The following TEKT5 variants were observed in gnomAD, a reference collection of about 807,000 sequenced individuals.
TEKT5 encodes tektin 5, also known as tektin-5.
Under a neutral mutation model 48.7 loss-of-function variants are expected in TEKT5, and 52 were observed. That is an observed-to-expected ratio of 1.07 (90% CI 0.86 to 1.35). TEKT5 has a LOEUF of 1.35. Ranked by LOEUF, TEKT5 falls within the 40% of genes most tolerant of loss-of-function variation. TEKT5 has a pLI of 0.00. For missense variants in TEKT5, 831 were observed against 641.6 expected (o/e 1.30, Z -3.19); for synonymous variants, 318 against 267.6 (o/e 1.19, Z -1.84).
At position 10,654,924 on chromosome 16, in the gene TEKT5, TCCCCCCCCTCCCCTCCCCCACCCC is replaced by T. The variant is rs1287262400; in HGVS notation, c.1087-19030_1087-19007del. Among the ~76,000 whole-genome samples, 5 of 44,996 alleles carry T rather than the reference TCCCCCCCCTCCCCTCCCCCACCCC, an allele frequency of 1.1e-4. 1 individual carries two copies. The highest frequency in any genetic ancestry group is 3.6e-4 in the African/African-American group (4 of 11,000). The allele number at this position is 44,996 out of a possible 152,430, so 29.5% of individuals were successfully genotyped here. On this transcript the variant is annotated intron_variant, in intron 5 of 6. Coordinates refer to ENST00000283025, the MANE Select transcript of TEKT5 (RefSeq NM_144674.2). The stretch of plus-strand genomic sequence containing the variant: ...CCACCATGCCATGGACTGTCCTGTC[TCCCCCCCCTCCCCTCCCCCACCCC>T]CCCCCCCCAGTCTGTGACGAGATTT...
chr16:10,676,487 A>C (rs973334963), intron 4 of TEKT5, among the ~76,000 whole-genome samples: 38 of 152,162 alleles, frequency 2.5e-4, no homozygotes, highest in Non-Finnish European at 4.9e-4. Context: ...TTACAGGGGA[A>C]GCAAGAGAAC....
chr16:10,692,543 C>T (rs2142319099), intron 1 of TEKT5: 1 of 152,402 alleles, frequency 6.6e-6, no homozygotes, highest in Admixed American at 6.5e-5. Flanking sequence ...TACCCAGTGT[C>T]CACTCAACCC....
intron 5 of TEKT5, among the ~76,000 whole-genome samples, chr16:10,657,822 G>T (rs1013218754): frequency 4.7e-5 from 7 of 148,554 alleles, no homozygotes; most frequent in African/African-American, 1.7e-4. Context: ...GGATGTTCTC[G>T]ATCTCCTGAC....
At chr16:10,629,830 G>T (rs994124133) in intron 6 of TEKT5, among the ~76,000 whole-genome samples, 4 of 152,246 alleles carry the variant, frequency 2.6e-5, no homozygotes, top group African/African-American at 9.6e-5. Flanking sequence ...TGCACTTCAA[G>T]GTCTGGCGCC....
chr16:10,652,709 ACACAC>A (rs1898183727), intron 5 of TEKT5, among the ~76,000 whole-genome samples: 4 of 92,204 alleles, frequency 4.3e-5, no homozygotes, highest in Admixed American at 2.3e-4. Flanking sequence ...ACACACACAC[ACACAC>A]ACACACACAC....
intron 5 of TEKT5, among the ~76,000 whole-genome samples, chr16:10,654,425 G>T (rs972666898): frequency 6.6e-6 from 1 of 152,164 alleles, no homozygotes; most frequent in East Asian, 1.9e-4. Flanking sequence ...GGGACAGCCA[G>T]ATAGCTGGTA....
intron 3 of TEKT5, among the ~76,000 whole-genome samples, chr16:10,687,881 C>T (rs1898892027): frequency 6.6e-6 from 1 of 151,946 alleles, no homozygotes; most frequent in Non-Finnish European, 1.5e-5. Context: ...TGTGGGGTAC[C>T]TGAGATATTT....
intron 4 of TEKT5, 134 bp downstream of exon 4, chr16:10,681,859 A>G: frequency 8.2e-7 from 1 of 1,216,676 alleles, no homozygotes; most frequent in Non-Finnish European, 1.2e-6. Flanking sequence ...CGCCTGCGCT[A>G]GAGGATCCCC....
intron 5 of TEKT5, among the ~76,000 whole-genome samples, chr16:10,670,375 A>C (rs1898530015): frequency 1.3e-5 from 2 of 152,082 alleles, no homozygotes; most frequent in African/African-American, 4.8e-5. Flanking sequence ...AAAAATACAA[A>C]AATTAGCCGA....
At chr16:10,654,083 CA>C (rs1898217361) in intron 5 of TEKT5, among the ~76,000 whole-genome samples, 1 of 152,040 alleles carries the variant, frequency 6.6e-6, no homozygotes, top group Non-Finnish European at 1.5e-5. Flanking sequence ...GAGGTTCTCA[CA>C]CTGTTGTCCA....
chr16:10,649,025 C>T (rs560766531), intron 5 of TEKT5, among the ~76,000 whole-genome samples: 3 of 152,326 alleles, frequency 2.0e-5, no homozygotes, highest in Non-Finnish European at 2.9e-5. Context: ...TCATGGCTCA[C>T]TGCAACCTTA....
intron 6 of TEKT5, among the ~76,000 whole-genome samples, chr16:10,631,598 T>G (rs1409448215): frequency 6.6e-6 from 1 of 152,064 alleles, no homozygotes; most frequent in Non-Finnish European, 1.5e-5. Flanking sequence ...TAATGAAGTT[T>G]AGGATCTTAA....
intron 5 of TEKT5, among the ~76,000 whole-genome samples, chr16:10,658,404 G>A (rs527798821): frequency 6.6e-5 from 10 of 152,314 alleles, no homozygotes; most frequent in South Asian, 2.1e-4. Context: ...CCACTATCCA[G>A]CGGTAAAAAA....
intron 5 of TEKT5, among the ~76,000 whole-genome samples, chr16:10,646,053 C>A (rs1052303000): frequency 1.3e-5 from 2 of 151,756 alleles, no homozygotes; most frequent in Admixed American, 1.3e-4. Flanking sequence ...TTGCTTGAGC[C>A]CAGAAGGTCG....
intron 5 of TEKT5, among the ~76,000 whole-genome samples, chr16:10,674,268 G>A (rs374541417): frequency 2.6e-5 from 4 of 151,848 alleles, no homozygotes; most frequent in African/African-American, 9.7e-5. Flanking sequence ...CCCAGTGTGG[G>A]TCCCATGAGA....
At chr16:10,641,369 G>T (rs961562630) in intron 5 of TEKT5, among the ~76,000 whole-genome samples, 1 of 152,120 alleles carries the variant, frequency 6.6e-6, no homozygotes, top group African/African-American at 2.4e-5. Flanking sequence ...TGGTCCCCAA[G>T]CACCAGCCAC....
chr16:10,655,687 A>G (rs1898249534), intron 5 of TEKT5, among the ~76,000 whole-genome samples: 1 of 152,184 alleles, frequency 6.6e-6, no homozygotes, highest in Non-Finnish European at 1.5e-5. Flanking sequence ...CTCTTTTAAA[A>G]GGGGGTGGTT....
chr16:10,679,199 T>A (rs1898702092), intron 4 of TEKT5, among the ~76,000 whole-genome samples: 1 of 152,134 alleles, frequency 6.6e-6, no homozygotes, highest in Non-Finnish European at 1.5e-5. Context: ...TCATGAGATG[T>A]TGCATATGAA....
Position 10,694,364 on chromosome 16 carries a change from C to A in TEKT5, c.510G>T (p.Glu170Asp). The change falls in exon 1 of 7, where the codon GAG (glutamate) becomes GAT (aspartate). Residue 170 changes from glutamate (E) to aspartate (D), a missense_variant. Physicochemically the swap from Glu to Asp is conservative, Grantham distance 45. Transcript: ENST00000283025. Reference sequence around the variant, plus strand: ...CGCACTCCAGCCGCCTCTTGACCGTCTCCAAGTTCTGGTTCTCAGTCAGAA... The same window carrying A: ...CGCACTCCAGCCGCCTCTTGACCGTATCCAAGTTCTGGTTCTCAGTCAGAA... ...DRLLTENQNLETVKRRLECAA... is the reference protein window; with the variant it reads ...DRLLTENQNLDTVKRRLECAA... The A allele has an allele frequency of 6.2e-7, 1 of 1,613,542 alleles. No homozygotes were observed. Among genetic ancestry groups the A allele is most frequent in the Non-Finnish European group, 8.5e-7 (1 of 1,179,746 alleles).
Sources: allele counts gnomAD v4.1 joint callset (sites outside exome capture counted in the v4.1 genomes callset), GRCh38; gene constraint gnomAD v4.1.1; transcripts MANE v1.5; gene names NCBI Gene and HGNC (gene_info 2026-07-23, HGNC 2026-07-21).